Variants in GRK7 observed in about 807,000 individuals in gnomAD.
GRK7 encodes the protein rhodopsin kinase GRK7.
A neutral mutation model predicts 34.1 loss-of-function variants in GRK7; 24 were observed. The ratio of observed to expected loss-of-function variants is 0.70; its 90% CI spans 0.51 to 0.99. The LOEUF (loss-of-function observed/expected upper bound fraction) is 0.99. Among genes scored for constraint, GRK7 ranks in the 50% least tolerant of loss-of-function variants. The pLI is 0.00. For synonymous variants in GRK7, 256 were observed against 279.4 expected (o/e 0.92, Z 0.84); for missense variants, 644 against 707.3 (o/e 0.91, Z 1.02).
At position 141,817,310 on chromosome 3, in the gene GRK7, T is replaced by C. The variant is rs978920855; in HGVS notation, c.*260T>C. 1.1e-5 allele frequency: 4 copies of C among 376,610 alleles called. No homozygotes were observed. The highest frequency in any genetic ancestry group is 2.1e-5 in the African/African-American group (1 of 48,746). 23.3% of individuals were successfully genotyped at this position (376,610 alleles called of 1,614,324 possible). The stretch of plus-strand genomic sequence containing the variant: ...GGTTTATTTTGATAAACTGAAAGCA[T>C]CAGCCTTTTACCATCATGTCCCTGT... On this transcript the variant is annotated 3_prime_UTR_variant, in exon 6 of 6. Coordinates refer to ENST00000682958, the MANE Select transcript of GRK7 (RefSeq NM_139209.3).
intron 4 of GRK7, among the ~76,000 whole-genome samples, chr3:141,794,376 G>A (rs915893674): frequency 6.6e-6 from 1 of 152,238 alleles, no homozygotes; most frequent in Non-Finnish European, 1.5e-5. Context: ...GCCCCCACAG[G>A]TGGGGAAGAG....
chr3:141,756,329 T>TG, the GRK7 span, among the ~76,000 whole-genome samples: 2 of 149,010 alleles, frequency 1.3e-5, no homozygotes, highest in South Asian at 2.1e-4. Context: ...AAAAAAAAGG[T>TG]GGGGGGGTGA....
At chr3:141,811,183 T>A (rs1711089071) in intron 5 of GRK7, among the ~76,000 whole-genome samples, 1 of 151,840 alleles carries the variant, frequency 6.6e-6, no homozygotes, top group African/African-American at 2.4e-5. Context: ...CCGGGTGCAG[T>A]GGCGGGTGCC....
chr3:141,807,471 G>A (rs565947506), intron 4 of GRK7, among the ~76,000 whole-genome samples, 174 bp from the exon 5 acceptor site: 6 of 152,234 alleles, frequency 3.9e-5, no homozygotes, highest in African/African-American at 7.2e-5. Flanking sequence ...CAAAGCTGCC[G>A]GGAAAGCAGC....
chr3:141,805,678 A>G (rs1161781392), intron 4 of GRK7, among the ~76,000 whole-genome samples: 2 of 152,182 alleles, frequency 1.3e-5, no homozygotes, highest in African/African-American at 4.8e-5. Context: ...TGGATTATTC[A>G]TGTTTTTTCT....
chr3:141,806,854 A>G (rs1052399376), intron 4 of GRK7, among the ~76,000 whole-genome samples: 1 of 152,038 alleles, frequency 6.6e-6, no homozygotes, highest in African/African-American at 2.4e-5. Flanking sequence ...TTACACTGCA[A>G]AATGATTTAG....
At chr3:141,758,785 G>C (rs2084541702), upstream of GRK7, among the ~76,000 whole-genome samples, 1 of 149,998 alleles carries the variant, frequency 6.7e-6, no homozygotes, top group Admixed American at 6.7e-5. Context: ...TCCAACCCAT[G>C]AGCATGGAAT....
chr3:141,783,594 T>A (rs77649764), intron 4 of GRK7, among the ~76,000 whole-genome samples: 2,919 of 152,124 alleles, frequency 0.019, 53 homozygotes, highest in East Asian at 0.088. Flanking sequence ...TGTAAGGGAA[T>A]GGTGAGGTCT....
chr3:141,773,965 A>C (rs901001910), intron 1 of GRK7, among the ~76,000 whole-genome samples: 2 of 152,170 alleles, frequency 1.3e-5, no homozygotes, highest in African/African-American at 4.8e-5. Flanking sequence ...CCCCAACCCC[A>C]GGTTTCTGGT....
At chr3:141,797,631 T>G (rs1471032024) in intron 4 of GRK7, among the ~76,000 whole-genome samples, 1 of 152,088 alleles carries the variant, frequency 6.6e-6, no homozygotes, top group Non-Finnish European at 1.5e-5. Context: ...GGATCTGGTT[T>G]GTGATGAGCT....
chr3:141,795,390 C>T (rs2084744035), intron 4 of GRK7, among the ~76,000 whole-genome samples: 1 of 152,236 alleles, frequency 6.6e-6, no homozygotes, highest in Non-Finnish European at 1.5e-5. Context: ...CAGCCCACAA[C>T]ATCCACAGTG....
At chr3:141,770,758 GT>G (rs2084613428) in intron 1 of GRK7, among the ~76,000 whole-genome samples, 1 of 152,062 alleles carries the variant, frequency 6.6e-6, no homozygotes, top group Non-Finnish European at 1.5e-5. Flanking sequence ...AACAACAAAC[GT>G]TGGTGAGGAT....
At chr3:141,805,299 G>C (rs2107892672) in intron 4 of GRK7, among the ~76,000 whole-genome samples, 1 of 152,282 alleles carries the variant, frequency 6.6e-6, no homozygotes, top group South Asian at 2.1e-4. Context: ...CTCAACAAAT[G>C]TTTTCTGCGT....
At chr3:141,779,028 C>T (rs1163673894) in intron 3 of GRK7, 132 bp downstream of exon 3, 17 of 875,678 alleles carry the variant, frequency 1.9e-5, no homozygotes, top group South Asian at 9.0e-5. Context: ...TTTCTAGCCC[C>T]GTCTCCCCAG....
chr3:141,770,407 C>A (rs2084611490), intron 1 of GRK7, among the ~76,000 whole-genome samples: 1 of 152,020 alleles, frequency 6.6e-6, no homozygotes, highest in Non-Finnish European at 1.5e-5. Context: ...AAAGTAAGTG[C>A]TAGATTTCAA....
intron 4 of GRK7, among the ~76,000 whole-genome samples, chr3:141,805,608 G>A (rs190835127): frequency 5.3e-5 from 8 of 152,234 alleles, no homozygotes; most frequent in South Asian, 2.1e-4. Context: ...TGCACAGCCC[G>A]TTAGATCCTA....
At chr3:141,788,389 G>C (rs1016865273) in intron 4 of GRK7, among the ~76,000 whole-genome samples, 1 of 152,126 alleles carries the variant, frequency 6.6e-6, no homozygotes, top group African/African-American at 2.4e-5. Context: ...TGCATATGAG[G>C]TAATGCGGGC....
At chr3:141,816,566 A>G (rs756662531) in intron 5 of GRK7, 148 bp from the exon 6 acceptor site, 2 of 479,164 alleles carry the variant, frequency 4.2e-6, no homozygotes, top group African/African-American at 4.0e-5. Flanking sequence ...AAAAGTTATT[A>G]TTTTTCAGTT....
intron 4 of GRK7, 116 bp downstream of exon 4, chr3:141,780,927 C>T (rs1294118026): frequency 3.4e-6 from 3 of 895,080 alleles, no homozygotes; most frequent in Non-Finnish European, 5.1e-6. Flanking sequence ...GGTTTTTTTT[C>T]CTAAAGCGCT....
Sources: gnomAD v4.1 joint callset for allele counts (sites outside exome capture counted in the v4.1 genomes callset) on GRCh38, gnomAD v4.1.1 for gene constraint, MANE v1.5 for transcripts, NCBI Gene and HGNC (gene_info 2026-07-23, HGNC 2026-07-21) for gene names.